The following LRMDA variants were observed in gnomAD, a reference collection of about 807,000 sequenced individuals.
LRMDA encodes leucine-rich melanocyte differentiation-associated protein.
LRMDA carries 18 observed loss-of-function variants against 29.8 expected under a neutral mutation model. That is an observed-to-expected ratio of 0.60 (90% confidence interval 0.42 to 0.90). The LOEUF is 0.90. Ranked by LOEUF, LRMDA falls within the 40% of genes least tolerant of loss-of-function variation. LRMDA has a pLI of 0.00. For missense variants in LRMDA, 273 were observed against 273.9 expected, an observed-to-expected ratio of 1.00 and a Z score of 0.02; for synonymous variants, 125 against 109.4, an observed-to-expected ratio of 1.14 and a Z score of -0.89.
At chr10:75,961,857 A>G (rs1846772911) in intron 2 of LRMDA, among the ~76,000 whole-genome samples, 1 of 152,176 alleles carries the variant, frequency 6.6e-6, no homozygotes, top group Non-Finnish European at 1.5e-5. Context: ...CAGTCGGGTT[A>G]CTTCCTTCTA....
chr10:75,827,323 G>A (rs1421274756), intron 2 of LRMDA, among the ~76,000 whole-genome samples: 1 of 152,198 alleles, frequency 6.6e-6, no homozygotes, highest in Admixed American at 6.5e-5. Flanking sequence ...ACTAAGGGAA[G>A]GAGGTCTTAG....
intron 6 of LRMDA, among the ~76,000 whole-genome samples, chr10:76,428,835 A>G (rs1313215883): frequency 6.6e-6 from 1 of 152,182 alleles, no homozygotes; most frequent in Non-Finnish European, 1.5e-5. Context: ...CTGCCAGGCA[A>G]AGCAAGAGAA....
At chr10:75,968,912 T>C (rs1398465382) in intron 2 of LRMDA, among the ~76,000 whole-genome samples, 2 of 152,150 alleles carry the variant, frequency 1.3e-5, no homozygotes, top group Non-Finnish European at 2.9e-5. Context: ...TGTAATTAGG[T>C]GAGTATGGGT....
At chr10:76,285,932 A>G (rs1027095451) in intron 5 of LRMDA, among the ~76,000 whole-genome samples, 3 of 152,182 alleles carry the variant, frequency 2.0e-5, no homozygotes, top group Admixed American at 1.3e-4. Flanking sequence ...ACCAAATGTA[A>G]TTCAGCTCAA....
chr10:76,010,591 C>A (rs1457336503), intron 2 of LRMDA, among the ~76,000 whole-genome samples: 1 of 152,176 alleles, frequency 6.6e-6, no homozygotes, highest in African/African-American at 2.4e-5. Context: ...GGATTACAGG[C>A]GTGAGCCACT....
At chr10:76,252,280 G>A (rs1005828304) in intron 5 of LRMDA, among the ~76,000 whole-genome samples, 3 of 152,040 alleles carry the variant, frequency 2.0e-5, no homozygotes, top group Admixed American at 2.0e-4. Context: ...CACCACAAAT[G>A]TGTCACCATT....
At chr10:76,252,896 C>T (rs1290133373) in intron 5 of LRMDA, among the ~76,000 whole-genome samples, 2 of 152,196 alleles carry the variant, frequency 1.3e-5, no homozygotes, top group African/African-American at 2.4e-5. Flanking sequence ...TCACACAGGT[C>T]ACCAGGCAGG....
chr10:75,721,901 T>C (rs551824606), intron 2 of LRMDA, among the ~76,000 whole-genome samples: 1 of 152,344 alleles, frequency 6.6e-6, no homozygotes, highest in Admixed American at 6.5e-5. Context: ...GGCTAAATGC[T>C]GGCAATCATT....
intron 2 of LRMDA, among the ~76,000 whole-genome samples, chr10:75,671,643 G>A (rs1047627167): frequency 5.9e-5 from 9 of 152,038 alleles, no homozygotes; most frequent in African/African-American, 2.2e-4. Context: ...TCGTGGGGTG[G>A]GGGAGCTCAG....
intron 5 of LRMDA, among the ~76,000 whole-genome samples, chr10:76,274,563 TC>T (rs1840107988): frequency 6.6e-6 from 1 of 152,322 alleles, no homozygotes; most frequent in African/African-American, 2.4e-5. Flanking sequence ...CTGTGTTCTT[TC>T]TAGTCAGTTA....
intron 6 of LRMDA, among the ~76,000 whole-genome samples, chr10:76,519,229 A>G (rs1276025693): frequency 1.3e-5 from 2 of 152,198 alleles, no homozygotes; most frequent in Non-Finnish European, 2.9e-5. Context: ...CTCATAAAAA[A>G]TAATGGAAAT....
intron 6 of LRMDA, among the ~76,000 whole-genome samples, chr10:76,505,533 G>A (rs1842951012): frequency 6.6e-6 from 1 of 152,012 alleles, no homozygotes; most frequent in Non-Finnish European, 1.5e-5. Flanking sequence ...GATTCTTTCT[G>A]TGGCTTGGTC....
intron 2 of LRMDA, among the ~76,000 whole-genome samples, chr10:76,020,405 C>G (rs1041903011): frequency 4.6e-5 from 7 of 152,182 alleles, no homozygotes; most frequent in African/African-American, 1.4e-4. Context: ...TGGCAGAGGA[C>G]GAAGACAGGC....
intron 2 of LRMDA, among the ~76,000 whole-genome samples, chr10:75,933,730 G>T (rs1174761436): frequency 6.6e-6 from 1 of 152,132 alleles, no homozygotes; most frequent in Non-Finnish European, 1.5e-5. Flanking sequence ...CTCCAAGGAG[G>T]AGAATGCTGT....
intron 2 of LRMDA, among the ~76,000 whole-genome samples, chr10:75,691,207 C>T (rs12248228): frequency 7.3e-6 from 1 of 137,122 alleles, no homozygotes; most frequent in East Asian, 2.2e-4. Context: ...TACACACACA[C>T]ACATATATAT....
At chr10:75,626,739 T>C (rs1841254656) in intron 2 of LRMDA, among the ~76,000 whole-genome samples, 1 of 152,018 alleles carries the variant, frequency 6.6e-6, no homozygotes, top group African/African-American at 2.4e-5. Context: ...AAACATACAG[T>C]TGTTTATGTG....
At chr10:76,541,492 C>CCAT (rs1046093081) in intron 6 of LRMDA, among the ~76,000 whole-genome samples, 1 of 152,062 alleles carries the variant, frequency 6.6e-6, no homozygotes, top group African/African-American at 2.4e-5. Flanking sequence ...GGATGAGATT[C>CCAT]CATCTTAAAA....
intron 2 of LRMDA, among the ~76,000 whole-genome samples, chr10:75,973,908 G>C (rs547027340): frequency 6.6e-6 from 1 of 152,098 alleles, no homozygotes; most frequent in African/African-American, 2.4e-5. Flanking sequence ...CTCTACAAAA[G>C]GGGCCCCAAA....
intron 2 of LRMDA, among the ~76,000 whole-genome samples, chr10:75,707,177 C>T (rs1384316990): frequency 6.6e-6 from 1 of 152,148 alleles, no homozygotes; most frequent in Admixed American, 6.5e-5. Flanking sequence ...GCATCCAGAC[C>T]GCTTTGGCCC....
Sources: allele counts gnomAD v4.1 joint callset (sites outside exome capture counted in the v4.1 genomes callset), GRCh38; gene constraint gnomAD v4.1.1; transcripts MANE v1.5; gene names NCBI Gene and HGNC (gene_info 2026-07-23, HGNC 2026-07-21).